PLEKHO2: variants seen among roughly 807,000 people sequenced by gnomAD.
The protein encoded by PLEKHO2 is pleckstrin homology domain-containing family O member 2.
In PLEKHO2, 20 loss-of-function variants were observed where a neutral mutation model predicts 32.7. That is an observed-to-expected ratio of 0.61 (90% CI 0.43 to 0.89). The LOEUF is 0.89. Ranked by LOEUF, PLEKHO2 falls within the 40% of genes least tolerant of loss-of-function variation. The pLI is 0.00. For missense variants in PLEKHO2, 568 were observed against 621.2 expected (o/e 0.91, Z 0.91); for synonymous variants, 247 against 246.3 (o/e 1.00, Z -0.03).
intron 4 of PLEKHO2, 116 bp downstream of exon 4, chr15:64,860,114 A>G: frequency 1.2e-6 from 1 of 848,632 alleles, no homozygotes; most frequent in Non-Finnish European, 1.9e-6. Flanking sequence ...TGTCACTGCT[A>G]TGGGGCATTG....
chr15:64,848,617 C>A lies in PLEKHO2; in HGVS notation c.37C>A (p.Pro13Thr). 6.2e-7 allele frequency: 1 copy of A among 1,614,104 alleles called. No homozygotes were observed. The highest frequency in any genetic ancestry group is 8.5e-7 in the Non-Finnish European group (1 of 1,180,026). The change falls in exon 2 of 6, where the codon CCT becomes ACT. Residue 13 changes from proline (P) to threonine (T), a missense_variant. Transcript: ENST00000323544. ...GGGTGTGAAGGAAGCCGGTGAGAAG[C>A]CTCGGGGAGCACAGATGGTGGACAA... ...EEGVKEAGEK[P>T]RGAQMVDKAG...
intron 2 of PLEKHO2, among the ~76,000 whole-genome samples, chr15:64,852,038 C>T (rs934947924): frequency 2.0e-5 from 3 of 152,050 alleles, no homozygotes; most frequent in African/African-American, 7.3e-5. Flanking sequence ...GTTGGGGGAA[C>T]AGAAGGATAA....
At position 64,865,451 on chromosome 15, in the gene PLEKHO2, A is replaced by T; in HGVS notation, c.1036A>T (p.Met346Leu). The T allele has an allele frequency of 6.2e-7, 1 of 1,614,026 alleles. No homozygotes were observed. The highest frequency in any genetic ancestry group is 8.5e-7 in the Non-Finnish European group (1 of 1,179,992). ...PGTVQVSVNG[M>L]DDSPEPAKPS... Reference sequence around the variant, plus strand: ...CACAGTGCAGGTCTCAGTGAATGGCATGGATGACAGTCCTGAGCCTGCCAA... The same window carrying T: ...CACAGTGCAGGTCTCAGTGAATGGCTTGGATGACAGTCCTGAGCCTGCCAA... Residue 346 changes from methionine to leucine, a missense_variant, in exon 6 of 6, where the codon ATG (methionine) becomes TTG (leucine). Transcript: ENST00000323544.
At position 64,854,083 on chromosome 15, in the gene PLEKHO2, A is replaced by G. The variant is rs556688096; in HGVS notation, c.163-838A>G. ...TTGTTCCAGTTGGGTCTTCCCTGGA[A>G]GAGGACCAGTTGACCACCACTGAGG... On this transcript the variant is annotated intron_variant, in intron 2 of 5. Coordinates refer to ENST00000323544, the MANE Select transcript of PLEKHO2 (RefSeq NM_025201.5). 9.8e-5 allele frequency among the ~76,000 whole-genome samples: 15 copies of G among 152,336 alleles called. No homozygotes were observed. The East Asian group carries it at 2.7e-3, about 27-fold the overall frequency.
In PLEKHO2 at chr15:64,867,969, C is replaced by A. The variant is rs1241025268; in HGVS notation, c.*2081C>A. On this transcript the variant is annotated 3_prime_UTR_variant, in exon 6 of 6. Coordinates refer to ENST00000323544, the MANE Select transcript of PLEKHO2 (RefSeq NM_025201.5). Reference sequence around the variant, plus strand: ...TGTCTTCTGCTTATGAAGCGCCTTTCTTAAAGTTTGGCAATAAATCCATTT... The same window carrying A: ...TGTCTTCTGCTTATGAAGCGCCTTTATTAAAGTTTGGCAATAAATCCATTT... 1.3e-5 allele frequency: 2 copies of A among 152,092 alleles called. No individual in the cohort carries two copies. The highest frequency in any genetic ancestry group is 2.9e-5 in the Non-Finnish European group (2 of 68,008). 9.4% of individuals were successfully genotyped at this position (152,092 alleles called of 1,614,324 possible). A position where few individuals can be genotyped will look rare whatever the true frequency, so the allele number is the denominator to read the frequency against.
chr15:64,858,399 G>C (rs1317124219), intron 3 of PLEKHO2, among the ~76,000 whole-genome samples: 1 of 152,150 alleles, frequency 6.6e-6, no homozygotes, highest in Admixed American at 6.5e-5. Context: ...CTAACACCAG[G>C]GTGGAGGATG....
intron 3 of PLEKHO2, among the ~76,000 whole-genome samples, chr15:64,859,090 A>G (rs1220146472): frequency 6.6e-6 from 1 of 152,226 alleles, no homozygotes; most frequent in East Asian, 1.9e-4. Flanking sequence ...CTGTTGTAGC[A>G]TGTGTCAGAT....
intron 2 of PLEKHO2, among the ~76,000 whole-genome samples, chr15:64,853,287 T>G (rs1368735936): frequency 1.1e-4 from 16 of 147,798 alleles, no homozygotes; most frequent in Non-Finnish European, 2.2e-4. Flanking sequence ...TTCTTTTTTT[T>G]TTTTTTTGAG....
chr15:64,843,255 T>C (rs995316174), intron 1 of PLEKHO2, among the ~76,000 whole-genome samples: 6 of 152,230 alleles, frequency 3.9e-5, no homozygotes, highest in African/African-American at 1.4e-4. Context: ...CAAAATATAG[T>C]GCCTGTCCTC....
rs781604220 is a variant in PLEKHO2, at chr15:64,865,104, C to T, written c.689C>T (p.Ala230Val). 2.5e-5 allele frequency: 40 copies of T among 1,613,968 alleles called. No individual in the cohort carries two copies. The highest frequency in any genetic ancestry group is 3.3e-5 in the Non-Finnish European group (39 of 1,180,008). Reference sequence around the variant, plus strand: ...GTGGAGACCCCTGTGGGGGAGAGAGCCCCAACCCCTGTCTCAGCAAGCTCT... The same window carrying T: ...GTGGAGACCCCTGTGGGGGAGAGAGTCCCAACCCCTGTCTCAGCAAGCTCT... ...DRVETPVGER[A>V]PTPVSASSEV... The change falls in exon 6 of 6, where the codon GCC becomes GTC. Residue 230 changes from alanine (A) to valine (V), a missense_variant. By Grantham distance (64) the Ala-to-Val change is moderately conservative. Transcript: ENST00000323544.
At chr15:64,862,057 G>T (rs1334491745) in intron 5 of PLEKHO2, among the ~76,000 whole-genome samples, 1 of 152,176 alleles carries the variant, frequency 6.6e-6, no homozygotes, top group Non-Finnish European at 1.5e-5. Flanking sequence ...GGAGTCAGGG[G>T]ATTCTCTGTG....
chr15:64,860,112 C>A, intron 4 of PLEKHO2, 114 bp downstream of exon 4: 1 of 855,370 alleles, frequency 1.2e-6, no homozygotes, highest in Non-Finnish European at 1.9e-6. Flanking sequence ...TATGTCACTG[C>A]TATGGGGCAT....
chr15:64,859,993 G>T lies in PLEKHO2; in HGVS notation c.379G>T (p.Asp127Tyr). 1 of 1,613,494 alleles carries T rather than the reference G, an allele frequency of 6.2e-7. No individual in the cohort carries two copies. The highest frequency in any genetic ancestry group is 8.5e-7 in the Non-Finnish European group (1 of 1,179,424). The change falls in exon 4 of 6, where the codon GAT becomes TAT. Residue 127 changes from aspartate (D) to tyrosine (Y), a missense_variant. By Grantham distance (160) the Asp-to-Tyr change is radical (BLOSUM62 -3). Coordinates refer to ENST00000323544, the MANE Select transcript of PLEKHO2 (RefSeq NM_025201.5). ...GINRGKNKAF[D>Y]EVKVDKSCAL... Reference sequence around the variant, plus strand: ...TAACCGAGGCAAAAACAAGGCTTTCGATGAGGTGCGATGCAGTCTGTGGAC... The same window carrying T: ...TAACCGAGGCAAAAACAAGGCTTTCTATGAGGTGCGATGCAGTCTGTGGAC...
intron 5 of PLEKHO2, among the ~76,000 whole-genome samples, chr15:64,862,587 T>C (rs759248902): frequency 6.6e-6 from 1 of 151,818 alleles, no homozygotes; most frequent in Non-Finnish European, 1.5e-5. Context: ...CAGCAAGTGC[T>C]ACATTTAGGG....
intron 1 of PLEKHO2, among the ~76,000 whole-genome samples, chr15:64,846,391 C>T (rs1328974345): frequency 6.6e-6 from 1 of 151,988 alleles, no homozygotes; most frequent in Non-Finnish European, 1.5e-5. Flanking sequence ...CGGCTCACCA[C>T]AACCTCCGCC....
chr15:64,845,726 G>A (rs1441854143), intron 1 of PLEKHO2, among the ~76,000 whole-genome samples: 3 of 152,200 alleles, frequency 2.0e-5, no homozygotes, highest in Non-Finnish European at 4.4e-5. Context: ...GTATTCTCTA[G>A]GCTACATCAG....
chr15:64,852,996 G>A (rs1029822878), intron 2 of PLEKHO2, among the ~76,000 whole-genome samples: 9 of 151,332 alleles, frequency 5.9e-5, no homozygotes, highest in Non-Finnish European at 7.4e-5. Flanking sequence ...AAAATTAGCC[G>A]GGCGTGGTGG....
At chr15:64,842,536 A>G (rs1376894540) in intron 1 of PLEKHO2, among the ~76,000 whole-genome samples, 10 of 150,968 alleles carry the variant, frequency 6.6e-5, no homozygotes, top group Non-Finnish European at 1.5e-4. Flanking sequence ...TTCCTGTCTC[A>G]AGGATGTGAC....
chr15:64,850,884 G>A (rs996948353), intron 2 of PLEKHO2, among the ~76,000 whole-genome samples: 2 of 152,192 alleles, frequency 1.3e-5, no homozygotes, highest in South Asian at 2.1e-4. Context: ...CTGAAAACAG[G>A]GTAGCAATAT....
Sources: allele counts gnomAD v4.1 joint callset (sites outside exome capture counted in the v4.1 genomes callset), GRCh38; gene constraint gnomAD v4.1.1; transcripts MANE v1.5; gene names NCBI Gene and HGNC (gene_info 2026-07-23, HGNC 2026-07-21).